Variants in ARHGEF3 observed in about 807,000 individuals in gnomAD.
ARHGEF3 encodes Rho guanine nucleotide exchange factor 3, also known as 59.8 kDA protein.
ARHGEF3 carries 28 observed loss-of-function variants against 63.2 expected under a neutral mutation model. That is an observed-to-expected ratio of 0.44 (90% CI 0.33 to 0.61). The LOEUF (loss-of-function observed/expected upper bound fraction) is 0.61. ARHGEF3 is among the 20% of genes least tolerant of loss of function. ARHGEF3 has a pLI of 0.03. For synonymous variants in ARHGEF3, 266 were observed against 254.2 expected, an observed-to-expected ratio of 1.05 and a Z score of -0.44; for missense variants, 533 against 659.3, an observed-to-expected ratio of 0.81 and a Z score of 2.10.
At chr3:56,921,054 C>CA (rs34087284) in intron 3 of ARHGEF3, among the ~76,000 whole-genome samples, 18,326 of 60,280 alleles carry the variant, frequency 0.3, 3,076 homozygotes, top group East Asian at 0.53. Context: ...GACTCCATCT[C>CA]AAAAAAAAAA....
chr3:56,779,491 T>A (rs1042216788), intron 1 of ARHGEF3, among the ~76,000 whole-genome samples: 4 of 151,790 alleles, frequency 2.6e-5, no homozygotes, highest in Non-Finnish European at 5.9e-5. Context: ...TTTTTATTTT[T>A]TTTTTTTGTT....
In ARHGEF3 at chr3:56,775,183, G is replaced by A. The variant is rs1039136171; in HGVS notation, c.97-1367C>T. 1.2e-5 allele frequency: 18 copies of A among 1,498,456 alleles called. No homozygotes were observed. The Admixed American group carries it at 3.7e-4, about 31-fold the overall frequency. The allele number at this position is 1,498,456 out of a possible 1,614,324, so 92.8% of individuals were successfully genotyped here. ...TGCTTTCAAAGTTTCGAGGGTTAAG[G>A]CAGAACTTCAGATTCTCCAGGATAT... On this transcript the variant is annotated intron_variant, in intron 1 of 9. Transcript: ENST00000296315.
At chr3:57,000,660 G>C (rs1702160601) in intron 2 of ARHGEF3, among the ~76,000 whole-genome samples, 1 of 152,090 alleles carries the variant, frequency 6.6e-6, no homozygotes, top group South Asian at 2.1e-4. Context: ...AGGCTCCAGA[G>C]TAGCTGGGAC....
chr3:57,002,424 C>CTATATATATATATATA lies in ARHGEF3; in HGVS notation c.62+32648_62+32663dup, dbSNP rs55778548. On this transcript the variant is annotated intron_variant, in intron 2 of 12. Transcript: ENST00000338458. The stretch of plus-strand genomic sequence containing the variant: ...TATATGCCAGGCACTGTTCTAAGCA[C>CTATATATATATATATA]TATATATATATATATATGCCAGGCA... Among the ~76,000 whole-genome samples the CTATATATATATATATA allele has an allele frequency of 5.6e-4, 35 of 62,770 alleles. 2 individuals carry two copies. Among genetic ancestry groups the CTATATATATATATATA allele is most frequent in the Admixed American group, 1.3e-3 (7 of 5,546 alleles). The allele number at this position is 62,770 out of a possible 152,430, so 41.2% of individuals were successfully genotyped here. A position where few individuals can be genotyped will look rare whatever the true frequency, so the allele number is the denominator to read the frequency against.
chr3:56,748,402 G>C (rs915472259), intron 6 of ARHGEF3, among the ~76,000 whole-genome samples: 1 of 152,132 alleles, frequency 6.6e-6, no homozygotes, highest in Non-Finnish European at 1.5e-5. Context: ...GACAAAACGA[G>C]AGTCTGAAGC....
intron 2 of ARHGEF3, among the ~76,000 whole-genome samples, chr3:56,965,724 C>G (rs549904168): frequency 6.6e-6 from 1 of 150,450 alleles, no homozygotes; most frequent in South Asian, 2.1e-4. Flanking sequence ...TCTCGGCTCA[C>G]TGCAACCTCT....
At chr3:56,965,033 G>A (rs527577166) in intron 2 of ARHGEF3, among the ~76,000 whole-genome samples, 6 of 152,220 alleles carry the variant, frequency 3.9e-5, no homozygotes, top group South Asian at 4.1e-4. Flanking sequence ...AAGGAGGATC[G>A]CTTGAGGCCA....
At chr3:56,964,931 C>T (rs1229951589) in intron 2 of ARHGEF3, among the ~76,000 whole-genome samples, 3 of 152,074 alleles carry the variant, frequency 2.0e-5, no homozygotes, top group Non-Finnish European at 4.4e-5. Context: ...GTGGAAAGGA[C>T]ACTAATAAAT....
intron 1 of ARHGEF3, among the ~76,000 whole-genome samples, chr3:57,046,212 G>C (rs993881082): frequency 2.0e-5 from 3 of 152,166 alleles, no homozygotes; most frequent in African/African-American, 7.2e-5. Context: ...CAAGATCCCA[G>C]AGATGTGCAC....
chr3:56,799,331 A>T (rs1450416788), intron 1 of ARHGEF3, among the ~76,000 whole-genome samples: 1 of 152,200 alleles, frequency 6.6e-6, no homozygotes, highest in East Asian at 1.9e-4. Flanking sequence ...ACCCAAGGCA[A>T]ATTCGGAAGG....
chr3:56,743,025 G>T (rs547427378), intron 7 of ARHGEF3, among the ~76,000 whole-genome samples: 79 of 152,324 alleles, frequency 5.2e-4, no homozygotes, highest in African/African-American at 1.9e-3. Context: ...ACTTTGAGTA[G>T]CTCATGCTCC....
intron 1 of ARHGEF3, among the ~76,000 whole-genome samples, chr3:56,792,507 C>T (rs1426120163): frequency 1.3e-5 from 2 of 152,198 alleles, no homozygotes; most frequent in Admixed American, 1.3e-4. Flanking sequence ...GGAACCAAAC[C>T]ATCAGACTTC....
At chr3:57,024,177 A>T (rs1703375527) in intron 2 of ARHGEF3, among the ~76,000 whole-genome samples, 1 of 152,092 alleles carries the variant, frequency 6.6e-6, no homozygotes, top group Admixed American at 6.6e-5. Context: ...CCACCATGAC[A>T]TTCTAACCTT....
intron 2 of ARHGEF3, among the ~76,000 whole-genome samples, chr3:57,029,753 G>A (rs549275752): frequency 6.6e-6 from 1 of 152,180 alleles, no homozygotes; most frequent in East Asian, 1.9e-4. Flanking sequence ...ATGCTGATGG[G>A]ATCTCCAAGA....
At chr3:56,868,508 G>A (rs564659529) in intron 4 of ARHGEF3, among the ~76,000 whole-genome samples, 19 of 151,960 alleles carry the variant, frequency 1.3e-4, no homozygotes, top group South Asian at 2.1e-4. Context: ...GAGTACAGGC[G>A]TGTGCCACCA....
intron 3 of ARHGEF3, among the ~76,000 whole-genome samples, chr3:56,924,078 A>G (rs995534506): frequency 6.6e-6 from 1 of 152,258 alleles, no homozygotes; most frequent in Non-Finnish European, 1.5e-5. Flanking sequence ...CATGGACAAT[A>G]AGCCCCACGT....
At chr3:56,891,087 G>A (rs942852416) in intron 3 of ARHGEF3, among the ~76,000 whole-genome samples, 1 of 151,720 alleles carries the variant, frequency 6.6e-6, no homozygotes, top group Non-Finnish European at 1.5e-5. Flanking sequence ...CGTTTTAGCA[G>A]GGAGAGGATC....
At chr3:56,944,290 T>C (rs762448313) in intron 3 of ARHGEF3, among the ~76,000 whole-genome samples, 1 of 152,174 alleles carries the variant, frequency 6.6e-6, no homozygotes, top group Non-Finnish European at 1.5e-5. Flanking sequence ...TGTAAAGGAT[T>C]CACCATTCTA....
intron 4 of ARHGEF3, among the ~76,000 whole-genome samples, chr3:56,838,594 G>A (rs2039201060): frequency 6.6e-6 from 1 of 152,160 alleles, no homozygotes; most frequent in African/African-American, 2.4e-5. Context: ...ACAGTTAGCA[G>A]CTGCAGTTTA....
Sources: allele counts gnomAD v4.1 joint callset (sites outside exome capture counted in the v4.1 genomes callset), GRCh38; gene constraint gnomAD v4.1.1; transcripts MANE v1.5; gene names NCBI Gene and HGNC (gene_info 2026-07-23, HGNC 2026-07-21).